BRCA2: variants seen among roughly 807,000 people sequenced by gnomAD.
BRCA2 encodes breast cancer type 2 susceptibility protein.
BRCA2 carries 203 observed loss-of-function variants against 276.7 expected under a neutral mutation model. The observed-to-expected ratio is 0.73, with a 90% CI of 0.65 to 0.82. The LOEUF is 0.82. BRCA2 is among the 40% of genes least tolerant of loss of function. The probability of loss-of-function intolerance (pLI) is 0.00; values close to 1 mark genes in which losing one functional copy is unlikely to be tolerated. For synonymous variants in BRCA2, 1,289 were observed against 1,338.4 expected (o/e 0.96, Z 0.81); for missense variants, 3,920 against 3,915.0 (o/e 1.00, Z -0.03).
At chr13:32,327,683 A>C (rs1219393347) in intron 7 of BRCA2, among the ~76,000 whole-genome samples, 4 of 151,970 alleles carry the variant, frequency 2.6e-5, no homozygotes, top group Non-Finnish European at 5.9e-5. Flanking sequence ...AAAAAAAAAA[A>C]AAAATCCTGT....
rs397507719 is a variant in BRCA2, at chr13:32,338,795, T to C, written c.4440T>C (p.Tyr1480=). The C allele has an allele frequency of 2.5e-6, 4 of 1,613,136 alleles. No homozygotes were observed. The highest frequency in any genetic ancestry group is 3.3e-5 in the Admixed American group (2 of 59,938). The change falls in exon 11 of 27, where the codon TAT becomes TAC. Residue 1480 remains tyrosine (Y), a synonymous_variant. Coordinates refer to ENST00000380152, the MANE Select transcript of BRCA2 (RefSeq NM_000059.4). Reference sequence around the variant, plus strand: ...AGAACAAAATGGACATTCTAAGTTATGAGGAAACAGACATAGTTAAACACA... The same window carrying C: ...AGAACAAAATGGACATTCTAAGTTACGAGGAAACAGACATAGTTAAACACA... ...IRKNKMDILS[Y]EETDIVKHKI... is the part of the protein sequence containing the mutation.
In BRCA2 at chr13:32,340,643, T is replaced by G. The variant is rs372527810; in HGVS notation, c.6288T>G (p.Pro2096=). 1 of 1,607,470 alleles carries G rather than the reference T, an allele frequency of 6.2e-7. No homozygotes were observed. The highest frequency in any genetic ancestry group is 1.3e-5 in the African/African-American group (1 of 74,352). The change falls in exon 11 of 27, where the codon CCT becomes CCG. Residue 2096 remains proline (P), a synonymous_variant. Transcript: ENST00000380152. ...CTGAGCATAGTCTTCACTATTCACCTACGTCTAGACAAAATGTATCAAAAA... is the reference window on the plus strand; with the variant it reads ...CTGAGCATAGTCTTCACTATTCACCGACGTCTAGACAAAATGTATCAAAAA... ...IRTEHSLHYS[P]TSRQNVSKIL...
intron 13 of BRCA2, among the ~76,000 whole-genome samples, chr13:32,349,427 C>G (rs975200798): frequency 6.6e-6 from 1 of 151,908 alleles, no homozygotes; most frequent in African/African-American, 2.4e-5. Context: ...AGAGAACCAA[C>G]GATTTTACAC....
chr13:32,347,239 A>T (rs2072618102), intron 13 of BRCA2, among the ~76,000 whole-genome samples: 1 of 152,190 alleles, frequency 6.6e-6, no homozygotes, highest in Non-Finnish European at 1.5e-5. Context: ...CCTTTAAAAA[A>T]GTACTAAGAT....
Position 32,394,759 on chromosome 13 carries a change from T to TA in BRCA2, c.9329dup (p.Asn3110LysfsTer2), listed in dbSNP as rs1405341259. On this transcript the variant is annotated frameshift_variant, in exon 25 of 27. Coordinates refer to ENST00000380152, the MANE Select transcript of BRCA2 (RefSeq NM_000059.4). LOFTEE classifies it high-confidence loss of function. ...TGGCAATAAAGTTTTGGATAGACCTTAATGAGGACATTATTAAGCCTCATA... is the reference window on the plus strand; with the variant it reads ...TGGCAATAAAGTTTTGGATAGACCTTAAATGAGGACATTATTAAGCCTCATA... The TA allele has an allele frequency of 1.2e-6, 2 of 1,614,000 alleles. No individual in the cohort carries two copies. Among genetic ancestry groups the TA allele is most frequent in the African/African-American group, 2.7e-5 (2 of 74,946 alleles).
At chr13:32,362,797 A>T in intron 17 of BRCA2, 104 bp downstream of exon 17, 1 of 1,298,712 alleles carries the variant, frequency 7.7e-7, no homozygotes, top group Non-Finnish European at 1.1e-6. Context: ...GCCAGTTGTC[A>T]GTGACAGTTG....
At position 32,332,465 on chromosome 13, in the gene BRCA2, G is replaced by GA. The variant is rs80359777; in HGVS notation, c.994dup (p.Ile332AsnfsTer4). 6.3e-7 allele frequency: 1 copy of GA among 1,592,944 alleles called. No homozygotes were observed. The highest frequency in any genetic ancestry group is 8.5e-7 in the Non-Finnish European group (1 of 1,173,984). On this transcript the variant is annotated frameshift_variant, in exon 10 of 27. Transcript: ENST00000380152. LOFTEE classifies it high-confidence loss of function. ...AAAAAGTAAGAACTAGCAAGACTAG[G>GA]AAAAAAATTTTCCATGAAGCAAACG...
rs9526165 is a variant in BRCA2, at chr13:32,393,329, A to G, written c.9257-1360A>G. Among the ~76,000 whole-genome samples, 78,591 of 151,994 alleles carry G rather than the reference A, an allele frequency of 0.52. 20,413 individuals are homozygous for G. The highest frequency in any genetic ancestry group is 0.57 in the East Asian group (2,942 of 5,162). The stretch of plus-strand genomic sequence containing the variant: ...TTTTTCTCCCTTTCTTTCCTTCTAC[A>G]TTAATTGGAATTCTATAAGGAAAAG... On this transcript the variant is annotated intron_variant, in intron 24 of 26. Coordinates refer to ENST00000380152, the MANE Select transcript of BRCA2 (RefSeq NM_000059.4).
chr13:32,325,838 C>T (rs2072341432), intron 4 of BRCA2, among the ~76,000 whole-genome samples: 3 of 152,162 alleles, frequency 2.0e-5, no homozygotes, highest in Non-Finnish European at 4.4e-5. Flanking sequence ...CTGTGCCCGG[C>T]CTACTTTACA....
intron 13 of BRCA2, among the ~76,000 whole-genome samples, chr13:32,349,214 CTCAAAAAAAAA>C (rs1322422048): frequency 1.0e-5 from 1 of 96,256 alleles, no homozygotes; most frequent in Non-Finnish European, 1.9e-5. Flanking sequence ...GAGACTCTGT[CTCAAAAAAAAA>C]AAAAAAAAAA....
At position 32,399,263 on chromosome 13, in the gene BRCA2, T is replaced by A. The variant is rs1157046313; in HGVS notation, c.*493T>A. ...GATTGTGTCATTAAATGGAATGAGG[T>A]CTCTTAGTACAGTTATTTTGATGCA... is the stretch of plus-strand genomic sequence containing the variant. On this transcript the variant is annotated 3_prime_UTR_variant, in exon 27 of 27. Transcript: ENST00000380152. The A allele has an allele frequency of 4.9e-6, 1 of 203,324 alleles. No homozygotes were observed. Among genetic ancestry groups the A allele is most frequent in the African/African-American group, 2.3e-5 (1 of 43,600 alleles). 12.6% of individuals were successfully genotyped at this position (203,324 alleles called of 1,614,324 possible).
At chr13:32,394,985 C>A (rs2137654930) in intron 25 of BRCA2, 52 bp downstream of exon 25, 1 of 1,607,402 alleles carries the variant, frequency 6.2e-7, no homozygotes, top group Non-Finnish European at 8.5e-7. Flanking sequence ...TCTATTTTGA[C>A]AGTCCAGTAT....
intron 18 of BRCA2, among the ~76,000 whole-genome samples, chr13:32,368,644 A>G (rs1422377853): frequency 6.6e-6 from 1 of 151,908 alleles, no homozygotes; most frequent in East Asian, 1.9e-4. Flanking sequence ...CTCATAGGGT[A>G]GTAATGTAGT....
rs556172218 is a variant in BRCA2 at position 32,315,519 on chromosome 13, C to T, written c.-188C>T. 4.3e-4 allele frequency: 66 copies of T among 152,380 alleles called. No individual in the cohort carries two copies. Among genetic ancestry groups the T allele is most frequent in the African/African-American group, 1.5e-3 (61 of 41,578 alleles). The allele number at this position is 152,380 out of a possible 1,614,324, so 9.4% of individuals were successfully genotyped here. A position where few individuals can be genotyped will look rare whatever the true frequency, so the allele number is the denominator to read the frequency against. On this transcript the variant is annotated 5_prime_UTR_variant, in exon 1 of 27. Coordinates refer to ENST00000380152, the MANE Select transcript of BRCA2 (RefSeq NM_000059.4). Reference sequence around the variant, plus strand: ...TGAAACTAGGCGGCAGAGGCGGAGCCGCTGTGGCACTGCTGCGCCTCTGCT... The same window carrying T: ...TGAAACTAGGCGGCAGAGGCGGAGCTGCTGTGGCACTGCTGCGCCTCTGCT...
chr13:32,383,355 A>G (rs1451774103), intron 24 of BRCA2, among the ~76,000 whole-genome samples: 1 of 152,208 alleles, frequency 6.6e-6, no homozygotes, highest in Non-Finnish European at 1.5e-5. Context: ...GTCTCAAAAA[A>G]GAAAAAGAGA....
rs431825310 is a variant in BRCA2 at position 32,337,933 on chromosome 13, C to T, written c.3578C>T (p.Ala1193Val). ...EGTVEIKRKFAGLLKNDCNKS... is the reference protein window; with the variant it reads ...EGTVEIKRKFVGLLKNDCNKS... ...ACAGTTGAAATTAAACGGAAGTTTG[C>T]TGGCCTGTTGAAAAATGACTGTAAC... is the stretch of plus-strand genomic sequence containing the variant. Residue 1193 changes from alanine (A) to valine (V), a missense_variant, in exon 11 of 27, where the codon GCT becomes GTT. Coordinates refer to ENST00000380152, the MANE Select transcript of BRCA2 (RefSeq NM_000059.4). 5.6e-6 allele frequency: 9 copies of T among 1,614,036 alleles called. No homozygotes were observed. The highest frequency in any genetic ancestry group is 7.6e-6 in the Non-Finnish European group (9 of 1,179,960).
intron 20 of BRCA2, chr13:32,375,398 C>G: frequency 2.2e-6 from 1 of 452,262 alleles, no homozygotes; most frequent in Non-Finnish European, 4.4e-6. Flanking sequence ...GGGTTGGAAT[C>G]AACTTCTGGT....
chr13:32,346,372 G>A (rs1205711193), intron 12 of BRCA2, among the ~76,000 whole-genome samples: 2 of 151,786 alleles, frequency 1.3e-5, no homozygotes, highest in Non-Finnish European at 2.9e-5. Context: ...CTTTTTTGTG[G>A]TTACATAGTA....
rs201057885 is a variant in BRCA2, at chr13:32,370,437, T to C, written c.8367T>C (p.Tyr2789=). The change falls in exon 19 of 27, where the codon TAT becomes TAC. Residue 2789 remains tyrosine (Y), a synonymous_variant. Coordinates refer to ENST00000380152, the MANE Select transcript of BRCA2 (RefSeq NM_000059.4). ...ACAGTACTCGGCCTGCTCGCTGGTATACCAAACTTGGATTCTTTCCTGACC... is the reference window on the plus strand; with the variant it reads ...ACAGTACTCGGCCTGCTCGCTGGTACACCAAACTTGGATTCTTTCCTGACC... ...SANSTRPARW[Y]TKLGFFPDPR... is the part of the protein sequence containing the mutation. 2.5e-6 allele frequency: 4 copies of C among 1,614,062 alleles called. No homozygotes were observed. The African/African-American group carries it at 4.0e-5, about 16-fold the overall frequency.
Sources: gnomAD v4.1 joint callset for allele counts (sites outside exome capture counted in the v4.1 genomes callset) on GRCh38, gnomAD v4.1.1 for gene constraint, MANE v1.5 for transcripts, NCBI Gene and HGNC (gene_info 2026-07-23, HGNC 2026-07-21) for gene names.